Variants in DLGAP2 observed in about 807,000 individuals in gnomAD.
DLGAP2 encodes the protein DLG associated protein 2, also known as disks large-associated protein 2.
In DLGAP2, 26 loss-of-function variants were observed where a neutral mutation model predicts 100.3. The ratio of observed to expected loss-of-function variants is 0.26; its 90% CI spans 0.19 to 0.36. The LOEUF (loss-of-function observed/expected upper bound fraction) is 0.36, where lower values mean the gene tolerates loss of function less well. DLGAP2 is among the 10% of genes least tolerant of loss of function. The probability of loss-of-function intolerance (pLI) is 1.00; values close to 1 mark genes in which losing one functional copy is unlikely to be tolerated. For missense variants in DLGAP2, 1,858 were observed against 1,453.2 expected (o/e 1.28, Z -4.53); for synonymous variants, 886 against 630.1 (o/e 1.41, Z -6.08).
intron 2 of DLGAP2, among the ~76,000 whole-genome samples, chr8:1,146,576 T>TGTGC (rs1426555887): frequency 7.8e-5 from 10 of 128,174 alleles, no homozygotes; most frequent in Non-Finnish European, 1.6e-4. Flanking sequence ...CATGTGTGTG[T>TGTGC]ATGCACATGT....
At chr8:867,645 C>G (rs1479589689) in intron 1 of DLGAP2, among the ~76,000 whole-genome samples, 1 of 152,236 alleles carries the variant, frequency 6.6e-6, no homozygotes, top group Non-Finnish European at 1.5e-5. Flanking sequence ...GTCACTGACA[C>G]TGGCTCGGGT....
At chr8:968,899 A>G (rs1563119871) in intron 2 of DLGAP2, among the ~76,000 whole-genome samples, 2 of 152,164 alleles carry the variant, frequency 1.3e-5, no homozygotes, top group African/African-American at 2.4e-5. Flanking sequence ...TCAAAGTTGA[A>G]CTAAAAGACA....
At chr8:1,186,684 C>A (rs995500993) in intron 2 of DLGAP2, among the ~76,000 whole-genome samples, 3 of 152,022 alleles carry the variant, frequency 2.0e-5, no homozygotes, top group Admixed American at 6.6e-5. Context: ...GAGGTTGGGA[C>A]TGGGGGGCCT....
intron 3 of DLGAP2, among the ~76,000 whole-genome samples, chr8:1,486,083 C>A (rs567722324): frequency 6.6e-6 from 1 of 152,296 alleles, no homozygotes; most frequent in African/African-American, 2.4e-5. Flanking sequence ...TCTTCAAGAT[C>A]TCTGCTCGCG....
intron 3 of DLGAP2, among the ~76,000 whole-genome samples, chr8:1,287,738 T>G: frequency 1.2e-5 from 1 of 86,360 alleles, no homozygotes; most frequent in Non-Finnish European, 2.1e-5. Flanking sequence ...TGTGGTTCTG[T>G]TAGGGGAACT....
intron 3 of DLGAP2, among the ~76,000 whole-genome samples, chr8:1,433,624 C>G (rs1424226025): frequency 6.6e-6 from 1 of 151,876 alleles, no homozygotes; most frequent in East Asian, 1.9e-4. Context: ...AGCTGACCGA[C>G]TTGGAATTTT....
At chr8:1,126,662 T>C (rs1472416425) in intron 2 of DLGAP2, among the ~76,000 whole-genome samples, 2 of 152,120 alleles carry the variant, frequency 1.3e-5, no homozygotes, top group Non-Finnish European at 2.9e-5. Flanking sequence ...CTGTGGGCGG[T>C]GCTCTGCTGC....
chr8:737,975 G>A (rs1333532634), intron 1 of DLGAP2, 150 bp downstream of exon 1: 3 of 332,164 alleles, frequency 9.0e-6, no homozygotes, highest in East Asian at 4.6e-5. Context: ...GCCCGCCGGG[G>A]CCGGAGCGCT....
At chr8:810,729 C>T (rs904959499) in intron 1 of DLGAP2, among the ~76,000 whole-genome samples, 13 of 152,268 alleles carry the variant, frequency 8.5e-5, no homozygotes, top group South Asian at 4.1e-4. Flanking sequence ...AAATAGCTGG[C>T]GGTGATTTAT....
intron 12 of DLGAP2, among the ~76,000 whole-genome samples, chr8:1,686,098 A>G (rs906547501): frequency 6.6e-6 from 1 of 152,196 alleles, no homozygotes; most frequent in Admixed American, 6.5e-5. Context: ...GGAAATTCAT[A>G]TGTCAAAGGG....
intron 3 of DLGAP2, among the ~76,000 whole-genome samples, chr8:1,354,487 T>C (rs1355460110): frequency 6.6e-6 from 1 of 152,204 alleles, no homozygotes; most frequent in South Asian, 2.1e-4. Flanking sequence ...CACTCCAGCC[T>C]GAGCAACAGA....
intron 3 of DLGAP2, among the ~76,000 whole-genome samples, chr8:1,347,865 T>G (rs1563097356): frequency 6.6e-6 from 1 of 151,494 alleles, no homozygotes; most frequent in Non-Finnish European, 1.5e-5. Context: ...AGAGCTACAT[T>G]GCACTCATGG....
intron 1 of DLGAP2, among the ~76,000 whole-genome samples, chr8:802,061 G>GGGGAATGGTCCA (rs1563039184): frequency 1.9e-4 from 22 of 113,476 alleles, no homozygotes; most frequent in Admixed American, 3.5e-4. Flanking sequence ...GGAACAGTCT[G>GGGGAATGGTCCA]CACCCCTCCT....
chr8:1,550,594 C>T (rs992830547), intron 5 of DLGAP2, among the ~76,000 whole-genome samples: 32 of 152,168 alleles, frequency 2.1e-4, no homozygotes, highest in Admixed American at 1.3e-4. Flanking sequence ...TCTAAGCACC[C>T]CCCACTACAA....
At chr8:1,607,005 GACAC>G (rs1373063116) in intron 6 of DLGAP2, among the ~76,000 whole-genome samples, 1 of 152,178 alleles carries the variant, frequency 6.6e-6, no homozygotes, top group African/African-American at 2.4e-5. Context: ...GTTTTATGTG[GACAC>G]ACATTTTCAT....
intron 2 of DLGAP2, among the ~76,000 whole-genome samples, chr8:1,106,961 C>G (rs1340666938): frequency 6.6e-6 from 1 of 151,932 alleles, no homozygotes. Flanking sequence ...GTATTTTCTT[C>G]TGGGAAGAGT....
chr8:1,093,928 C>A (rs1804278743), intron 2 of DLGAP2, among the ~76,000 whole-genome samples: 2 of 151,982 alleles, frequency 1.3e-5, no homozygotes, highest in South Asian at 4.1e-4. Flanking sequence ...GGCTGAAGTC[C>A]ATGCCTCTCT....
Position 1,708,115 on chromosome 8 carries a change from C to T in DLGAP2, c.*6709C>T, listed in dbSNP as rs180971939. 96 of 152,302 alleles carry T rather than the reference C, an allele frequency of 6.3e-4. 1 individual carries two copies. The highest frequency in any genetic ancestry group is 2.3e-3 in the African/African-American group (96 of 41,550). 9.4% of individuals were successfully genotyped at this position (152,302 alleles called of 1,614,324 possible). The stretch of plus-strand genomic sequence containing the variant: ...TTCACTCTCAGCTGACTGTAAGAAA[C>T]TGTGCACCGTTTCCGCCATAACCGT... On this transcript the variant is annotated 3_prime_UTR_variant, in exon 15 of 15. Transcript: ENST00000637795.
intron 3 of DLGAP2, among the ~76,000 whole-genome samples, chr8:1,420,856 T>C (rs528980434): frequency 2.6e-5 from 4 of 152,322 alleles, no homozygotes; most frequent in Admixed American, 6.5e-5. Context: ...CTTCCCCATC[T>C]GCGCAGTCCT....
Sources: gnomAD v4.1 joint callset for allele counts (sites outside exome capture counted in the v4.1 genomes callset) on GRCh38, gnomAD v4.1.1 for gene constraint, MANE v1.5 for transcripts, NCBI Gene and HGNC (gene_info 2026-07-23, HGNC 2026-07-21) for gene names.